Variants in SLIT3 observed in about 807,000 individuals in gnomAD.
SLIT3 encodes slit homolog 3 protein.
A neutral mutation model predicts 184.0 loss-of-function variants in SLIT3; 68 were observed. The ratio of observed to expected loss-of-function variants is 0.37; its 90% CI spans 0.30 to 0.45. The LOEUF is 0.45. Among genes scored for constraint, SLIT3 ranks in the 20% least tolerant of loss-of-function variants. The pLI is 1.00. For missense variants in SLIT3, 1,707 were observed against 2,026.0 expected, an observed-to-expected ratio of 0.84 and a Z score of 3.02; for synonymous variants, 831 against 828.6, an observed-to-expected ratio of 1.00 and a Z score of -0.05.
At chr5:169,021,539 CGG>C (rs1226375144) in intron 4 of SLIT3, among the ~76,000 whole-genome samples, 1 of 151,954 alleles carries the variant, frequency 6.6e-6, no homozygotes, top group Non-Finnish European at 1.5e-5. Context: ...TTAGTAGAGA[CGG>C]GGTTTCACCA....
intron 4 of SLIT3, among the ~76,000 whole-genome samples, chr5:169,110,163 A>G (rs1289459389): frequency 1.3e-5 from 2 of 152,162 alleles, no homozygotes; most frequent in African/African-American, 4.8e-5. Context: ...TAAAGTCTTA[A>G]TGGTGCACAG....
intron 4 of SLIT3, among the ~76,000 whole-genome samples, chr5:169,088,308 C>T (rs936935539): frequency 2.0e-5 from 3 of 151,920 alleles, no homozygotes; most frequent in East Asian, 1.9e-4. Context: ...AGACACAGCA[C>T]GTATTACAAA....
At chr5:169,047,926 C>T (rs1330345827) in intron 4 of SLIT3, among the ~76,000 whole-genome samples, 1 of 151,966 alleles carries the variant, frequency 6.6e-6, no homozygotes, top group Non-Finnish European at 1.5e-5. Flanking sequence ...CTCTGTCTCA[C>T]AGCAACTTAG....
Position 168,996,913 on chromosome 5 carries a change from G to A in SLIT3, c.414-113577C>T, listed in dbSNP as rs922547771. Reference sequence around the variant, plus strand: ...GGAGGAGTGATGTGTGGGAGAATGTGGCTCATGGTCTATTTACATTCAGGA... The same window carrying A: ...GGAGGAGTGATGTGTGGGAGAATGTAGCTCATGGTCTATTTACATTCAGGA... On this transcript the variant is annotated intron_variant, in intron 4 of 35. Coordinates refer to ENST00000519560, the MANE Select transcript of SLIT3 (RefSeq NM_003062.4). Among the ~76,000 whole-genome samples the A allele has an allele frequency of 5.9e-5, 9 of 152,280 alleles. No homozygotes were observed. The South Asian group carries it at 1.9e-3, about 32-fold the overall frequency.
In SLIT3 at chr5:169,054,675, C is replaced by T. The variant is rs566415740; in HGVS notation, c.413+138804G>A. ...TACAAAGGCCAGTCCCACTCCAACCCGTCTGCCTCTCCTACAGGGAATCCT... is the reference window on the plus strand; with the variant it reads ...TACAAAGGCCAGTCCCACTCCAACCTGTCTGCCTCTCCTACAGGGAATCCT... On this transcript the variant is annotated intron_variant, in intron 4 of 35. Transcript: ENST00000519560. 2.2e-4 allele frequency among the ~76,000 whole-genome samples: 34 copies of T among 152,316 alleles called. 1 individual carries two copies. Among genetic ancestry groups the T allele is most frequent in the African/African-American group, 5.1e-4 (21 of 41,574 alleles).
chr5:168,954,229 A>G (rs1011154864), intron 4 of SLIT3, among the ~76,000 whole-genome samples: 2 of 152,164 alleles, frequency 1.3e-5, no homozygotes, highest in Non-Finnish European at 2.9e-5. Context: ...CAAACTGGGA[A>G]TAATTACCCC....
chr5:168,880,440 T>C (rs928387285), intron 5 of SLIT3, among the ~76,000 whole-genome samples: 1 of 152,250 alleles, frequency 6.6e-6, no homozygotes, highest in Non-Finnish European at 1.5e-5. Context: ...ACACATCTTA[T>C]ACAGTTTTGC....
At chr5:168,943,874 A>C (rs1762394275) in intron 4 of SLIT3, among the ~76,000 whole-genome samples, 1 of 152,212 alleles carries the variant, frequency 6.6e-6, no homozygotes, top group Non-Finnish European at 1.5e-5. Context: ...AGTGTTGAAA[A>C]AAGGAAAACA....
chr5:169,232,428 T>C (rs1041946452), intron 3 of SLIT3, among the ~76,000 whole-genome samples: 1 of 152,224 alleles, frequency 6.6e-6, no homozygotes, highest in Admixed American at 6.5e-5. Flanking sequence ...TTTCGCCATG[T>C]TGGTCAGGCT....
intron 4 of SLIT3, among the ~76,000 whole-genome samples, chr5:169,185,653 G>A (rs370953154): frequency 1.3e-5 from 2 of 152,156 alleles, no homozygotes; most frequent in Admixed American, 6.5e-5. Flanking sequence ...GTTTAGTGCC[G>A]AATTGGAAGA....
At chr5:168,930,938 A>G (rs192421996) in intron 4 of SLIT3, among the ~76,000 whole-genome samples, 254 of 152,252 alleles carry the variant, frequency 1.7e-3, no homozygotes, top group African/African-American at 5.8e-3. Context: ...ATCCTATTTC[A>G]GAGGATAAAT....
At chr5:168,920,514 G>A (rs1004422280) in intron 4 of SLIT3, among the ~76,000 whole-genome samples, 1 of 152,128 alleles carries the variant, frequency 6.6e-6, no homozygotes, top group South Asian at 2.1e-4. Context: ...AGACCATCAC[G>A]GCGGCACGGA....
chr5:168,721,194 G>A (rs1044279044), intron 23 of SLIT3, among the ~76,000 whole-genome samples: 1 of 152,122 alleles, frequency 6.6e-6, no homozygotes, highest in Non-Finnish European at 1.5e-5. Flanking sequence ...TTCATGAATA[G>A]CATTCAAGGG....
chr5:168,901,718 T>C (rs1760880787), intron 4 of SLIT3, among the ~76,000 whole-genome samples: 1 of 152,112 alleles, frequency 6.6e-6, no homozygotes, highest in East Asian at 1.9e-4. Flanking sequence ...GTCCTGACTG[T>C]GTGGAACACT....
chr5:168,965,949 T>C (rs62377228), intron 4 of SLIT3, among the ~76,000 whole-genome samples: 6,076 of 152,324 alleles, frequency 0.04, 157 homozygotes, highest in Middle Eastern at 0.065. Context: ...ACCTCAGAGC[T>C]GAGTATCTCA....
rs189192860 is a variant in SLIT3 at position 168,980,880 on chromosome 5, C to T, written c.414-97544G>A. 2.6e-5 allele frequency among the ~76,000 whole-genome samples: 4 copies of T among 152,042 alleles called. No individual in the cohort carries two copies. In the East Asian group the frequency reaches 7.7e-4, roughly 29 times the overall value. ...ATTTAGTGATGTGGGAAAATGTTTACGATGTAAAGTGAAAAAAATTTGAAT... is the reference window on the plus strand; with the variant it reads ...ATTTAGTGATGTGGGAAAATGTTTATGATGTAAAGTGAAAAAAATTTGAAT... On this transcript the variant is annotated intron_variant, in intron 4 of 35. Coordinates refer to ENST00000519560, the MANE Select transcript of SLIT3 (RefSeq NM_003062.4).
intron 1 of SLIT3, among the ~76,000 whole-genome samples, chr5:169,260,309 G>C (rs755764669): frequency 2.6e-4 from 40 of 152,168 alleles, no homozygotes; most frequent in Non-Finnish European, 4.3e-4. Context: ...CAAGGAAGCA[G>C]TGGCCTCAGT....
intron 4 of SLIT3, among the ~76,000 whole-genome samples, chr5:169,092,633 G>C (rs1410907436): frequency 6.6e-6 from 1 of 152,154 alleles, no homozygotes; most frequent in Non-Finnish European, 1.5e-5. Flanking sequence ...AGCAGTGTCT[G>C]TCAGCACGCA....
chr5:168,891,447 A>G (rs1760456981), intron 4 of SLIT3, among the ~76,000 whole-genome samples: 1 of 152,198 alleles, frequency 6.6e-6, no homozygotes, highest in Non-Finnish European at 1.5e-5. Flanking sequence ...GGACTCCTTC[A>G]AGCTTGGAGG....
Sources: gnomAD v4.1 joint callset for allele counts (sites outside exome capture counted in the v4.1 genomes callset) on GRCh38, gnomAD v4.1.1 for gene constraint, MANE v1.5 for transcripts, NCBI Gene and HGNC (gene_info 2026-07-23, HGNC 2026-07-21) for gene names.